BMPER: variants seen among roughly 807,000 people sequenced by gnomAD.
BMPER encodes the protein BMP-binding endothelial regulator protein.
Under a neutral mutation model 87.3 loss-of-function variants are expected in BMPER, and 45 were observed. The observed-to-expected ratio is 0.52, with a 90% CI of 0.41 to 0.66. The LOEUF (loss-of-function observed/expected upper bound fraction) is 0.66, where lower values mean the gene tolerates loss of function less well. Among genes scored for constraint, BMPER ranks in the 30% least tolerant of loss-of-function variants. The probability of loss-of-function intolerance (pLI) is 0.00; values close to 1 mark genes in which losing one functional copy is unlikely to be tolerated. For synonymous variants in BMPER, 326 were observed against 316.2 expected (o/e 1.03, Z -0.33); for missense variants, 784 against 867.5 (o/e 0.90, Z 1.21).
At chr7:34,125,800 G>A (rs1360783063) in intron 13 of BMPER, among the ~76,000 whole-genome samples, 1 of 152,124 alleles carries the variant, frequency 6.6e-6, no homozygotes, top group Non-Finnish European at 1.5e-5. Context: ...GCTTAATTTG[G>A]CATTATGGTG....
At chr7:33,942,617 G>A (rs1368254995) in intron 3 of BMPER, among the ~76,000 whole-genome samples, 1 of 152,134 alleles carries the variant, frequency 6.6e-6, no homozygotes, top group East Asian at 1.9e-4. Context: ...AAGAGAGAGG[G>A]TCGGCCTCCC....
chr7:34,085,927 G>T lies in BMPER; in HGVS notation c.1580G>T (p.Arg527Met), dbSNP rs755957711. Residue 527 changes from arginine (R) to methionine (M), a missense_variant, in exon 13 of 15, where the codon AGG (arginine) becomes ATG (methionine). Arg to Met is a moderately conservative substitution (Grantham distance 91). Coordinates refer to ENST00000649409, the MANE Select transcript of BMPER (RefSeq NM_001365308.1). Reference sequence around the variant, plus strand: ...GTGGATGACTTTGCTGAATCTTGGAGGGTGGAGTCCAATGAGTTCTGCAAC... The same window carrying T: ...GTGGATGACTTTGCTGAATCTTGGATGGTGGAGTCCAATGAGTTCTGCAAC... ...FDVDDFAESW[R>M]VESNEFCNRP... The T allele has an allele frequency of 2.5e-6, 4 of 1,614,152 alleles. No individual in the cohort carries two copies. The highest frequency in any genetic ancestry group is 3.4e-6 in the Non-Finnish European group (4 of 1,180,030).
At chr7:34,027,415 A>T (rs902901400) in intron 6 of BMPER, among the ~76,000 whole-genome samples, 5 of 152,102 alleles carry the variant, frequency 3.3e-5, no homozygotes, top group African/African-American at 1.2e-4. Flanking sequence ...GCCATTTTTC[A>T]CTTAAAAATC....
chr7:34,147,552 C>T (rs772471303), intron 14 of BMPER, among the ~76,000 whole-genome samples: 3 of 152,144 alleles, frequency 2.0e-5, no homozygotes, highest in Non-Finnish European at 4.4e-5. Flanking sequence ...CTCACTATAA[C>T]CTCCAACTCC....
At chr7:33,945,083 A>G (rs189820210) in intron 3 of BMPER, among the ~76,000 whole-genome samples, 1 of 151,876 alleles carries the variant, frequency 6.6e-6, no homozygotes, top group Non-Finnish European at 1.5e-5. Flanking sequence ...CAGGGACTAC[A>G]GGCGCCTGCC....
chr7:33,969,503 C>T (rs1194118289), intron 4 of BMPER, among the ~76,000 whole-genome samples: 2 of 152,144 alleles, frequency 1.3e-5, no homozygotes, highest in African/African-American at 2.4e-5. Flanking sequence ...GGGTTCACAC[C>T]ATTCTCCTGC....
At chr7:34,080,663 G>A (rs892002614) in intron 12 of BMPER, among the ~76,000 whole-genome samples, 2 of 152,146 alleles carry the variant, frequency 1.3e-5, no homozygotes, top group African/African-American at 4.8e-5. Context: ...TGCGTAAGAT[G>A]ACCCATTATT....
chr7:33,905,620 T>C lies in BMPER; in HGVS notation c.7T>C (p.Trp3Arg). 2 of 1,612,604 alleles carry C rather than the reference T, an allele frequency of 1.2e-6. No individual in the cohort carries two copies. Among genetic ancestry groups the C allele is most frequent in the Non-Finnish European group, 1.7e-6 (2 of 1,179,868 alleles). The change falls in exon 1 of 15, where the codon TGG becomes CGG. Residue 3 changes from tryptophan (W) to arginine (R), a missense_variant. Physicochemically the swap from Trp to Arg is moderately radical, Grantham distance 101. Transcript: ENST00000649409. MLWFSGVGALAER... is the reference protein window; with the variant it reads MLRFSGVGALAER... ...GGATTCCCTCCAGGTGACGATGCTC[T>C]GGTTCTCCGGCGTCGGGGCTCTGGC...
chr7:34,086,773 G>A (rs1207877233), intron 13 of BMPER, among the ~76,000 whole-genome samples: 1 of 152,158 alleles, frequency 6.6e-6, no homozygotes, highest in African/African-American at 2.4e-5. Flanking sequence ...AAGGAGACTT[G>A]GATTTGACTT....
chr7:34,138,092 G>A (rs1427193099), intron 13 of BMPER, among the ~76,000 whole-genome samples: 1 of 152,162 alleles, frequency 6.6e-6, no homozygotes, highest in African/African-American at 2.4e-5. Context: ...TTTGAAATGT[G>A]GCTAATGATA....
chr7:33,968,945 A>G (rs1358121953), intron 4 of BMPER, among the ~76,000 whole-genome samples: 1 of 152,214 alleles, frequency 6.6e-6, no homozygotes, highest in Non-Finnish European at 1.5e-5. Context: ...GGGGCCATGC[A>G]TAGCTTTTTG....
chr7:34,011,600 A>G (rs1370937334), intron 6 of BMPER, among the ~76,000 whole-genome samples: 8 of 147,626 alleles, frequency 5.4e-5, no homozygotes, highest in Non-Finnish European at 1.0e-4. Context: ...AAAAAAAAAA[A>G]AAAAGAAAAA....
intron 6 of BMPER, among the ~76,000 whole-genome samples, chr7:34,030,036 A>G (rs1787480375): frequency 6.6e-6 from 1 of 152,126 alleles, no homozygotes; most frequent in Non-Finnish European, 1.5e-5. Flanking sequence ...CCAAAAATTC[A>G]ATTCAATTCT....
In BMPER at chr7:34,086,072, G is replaced by T. The variant is rs1789196708; in HGVS notation, c.1725G>T (p.Val575=). The change falls in exon 13 of 15, where the codon GTG becomes GTT. Residue 575 remains valine, a synonymous_variant. Coordinates refer to ENST00000649409, the MANE Select transcript of BMPER (RefSeq NM_001365308.1). Reference sequence around the variant, plus strand: ...AGTTTCAGACCTGCCACTCGACTGTGGACTACGCCACTTTCTACCGGTAAG... The same window carrying T: ...AGTTTCAGACCTGCCACTCGACTGTTGACTACGCCACTTTCTACCGGTAAG... ...SWEFQTCHST[V]DYATFYRSCV... 2 of 1,613,938 alleles carry T rather than the reference G, an allele frequency of 1.2e-6. No homozygotes were observed. Among genetic ancestry groups the T allele is most frequent in the Non-Finnish European group, 1.7e-6 (2 of 1,180,012 alleles).
chr7:34,085,807 C>T lies in BMPER; in HGVS notation c.1460C>T (p.Pro487Leu), dbSNP rs115364786. 1.1e-3 allele frequency: 1,763 copies of T among 1,614,134 alleles called. 2 individuals are homozygous for T. The highest frequency in any genetic ancestry group is 1.4e-3 in the Non-Finnish European group (1,648 of 1,180,034). The change falls in exon 13 of 15, where the codon CCG (proline) becomes CTG (leucine). Residue 487 changes from proline to leucine, a missense_variant. Pro to Leu is a moderately conservative substitution (Grantham distance 98, BLOSUM62 -3). Transcript: ENST00000649409. The stretch of plus-strand genomic sequence containing the variant: ...AGTTTTGTAGAAGTCATGGCTGCGC[C>T]GCATCTCAAGGGCAAGCTCTGTGGT... ...GDSFVEVMAAPHLKGKLCGLC... is the reference protein window; with the variant it reads ...GDSFVEVMAALHLKGKLCGLC...
At chr7:34,113,527 AT>A (rs965940968) in intron 13 of BMPER, among the ~76,000 whole-genome samples, 7 of 149,898 alleles carry the variant, frequency 4.7e-5, no homozygotes, top group Admixed American at 6.6e-5. Flanking sequence ...TGGCCAGCAT[AT>A]TTTTTTTGAA....
intron 13 of BMPER, among the ~76,000 whole-genome samples, chr7:34,117,245 G>A (rs1790141868): frequency 6.6e-6 from 1 of 152,158 alleles, no homozygotes; most frequent in Admixed American, 6.5e-5. Flanking sequence ...TCATCAATGG[G>A]AAGCTACCTC....
chr7:34,136,579 T>C (rs1000160960), intron 13 of BMPER, among the ~76,000 whole-genome samples: 3 of 152,164 alleles, frequency 2.0e-5, no homozygotes, highest in East Asian at 1.9e-4. Context: ...CTGTTTTCCA[T>C]TGATGCCCAG....
intron 13 of BMPER, among the ~76,000 whole-genome samples, chr7:34,113,189 G>A (rs1790025312): frequency 6.6e-6 from 1 of 151,818 alleles, no homozygotes; most frequent in Admixed American, 6.6e-5. Context: ...CATTTCTAAT[G>A]ATATTCATCT....
Sources: allele counts gnomAD v4.1 joint callset (sites outside exome capture counted in the v4.1 genomes callset), GRCh38; gene constraint gnomAD v4.1.1; transcripts MANE v1.5; gene names NCBI Gene and HGNC (gene_info 2026-07-23, HGNC 2026-07-21).